The following ZBTB44 variants were observed in gnomAD, a reference collection of about 807,000 sequenced individuals.
ZBTB44 encodes the protein zinc finger and BTB domain-containing protein 44.
In ZBTB44, 15 loss-of-function variants were observed where a neutral mutation model predicts 54.0. That is an observed-to-expected ratio of 0.28 (90% confidence interval 0.19 to 0.43). The LOEUF (loss-of-function observed/expected upper bound fraction) is 0.43. ZBTB44 is among the 20% of genes least tolerant of loss of function. The pLI is 1.00. For synonymous variants in ZBTB44, 230 were observed against 250.1 expected (o/e 0.92, Z 0.76); for missense variants, 487 against 707.1 (o/e 0.69, Z 3.53).
rs116709665 is a variant in ZBTB44 at position 130,297,496 on chromosome 11, G to A, written c.-57+16879C>T. ...TGAATTGGGTTCTCTAAAAAGATAC[G>A]TTGAGGTCCTAAACCCCAGTGCCTC... On this transcript the variant is annotated intron_variant, in intron 1 of 7. Transcript: ENST00000357899. 3.8e-3 allele frequency among the ~76,000 whole-genome samples: 581 copies of A among 152,314 alleles called. 1 individual carries two copies. The highest frequency in any genetic ancestry group is 0.013 in the African/African-American group (543 of 41,562).
chr11:130,256,466 A>G (rs912291153), intron 2 of ZBTB44, among the ~76,000 whole-genome samples: 1 of 152,144 alleles, frequency 6.6e-6, no homozygotes, highest in Admixed American at 6.5e-5. Context: ...TCACGAGGTC[A>G]AGAGATCGAG....
At chr11:130,298,381 C>T (rs1941786298) in intron 1 of ZBTB44, among the ~76,000 whole-genome samples, 2 of 150,994 alleles carry the variant, frequency 1.3e-5, no homozygotes, top group South Asian at 4.2e-4. Context: ...TGGGGCTCAA[C>T]GAATCCACCC....
In ZBTB44 at chr11:130,227,649, T is replaced by C. The variant is rs559176555; in HGVS notation, c.*4115A>G. On this transcript the variant is annotated 3_prime_UTR_variant, in exon 8 of 8. Coordinates refer to ENST00000357899, the MANE Select transcript of ZBTB44 (RefSeq NM_001301098.2). ...GTGTACAGTTTCCGCCTAGGCTGGC[T>C]GCACTAGGAAGTACTCCAGTTTTTA... The C allele has an allele frequency of 6.6e-6, 1 of 152,332 alleles. No individual in the cohort carries two copies. Among genetic ancestry groups the C allele is most frequent in the South Asian group, 2.1e-4 (1 of 4,830 alleles). 9.4% of individuals were successfully genotyped at this position (152,332 alleles called of 1,614,324 possible). A position where few individuals can be genotyped will look rare whatever the true frequency, so the allele number is the denominator to read the frequency against.
intron 5 of ZBTB44, chr11:130,236,362 T>C: frequency 1.6e-6 from 1 of 637,924 alleles, no homozygotes; most frequent in Non-Finnish European, 2.2e-6. Context: ...CCAATGGCTA[T>C]TCCTTTATAT....
At chr11:130,313,914 GTGTGTGTGTATGTGTGTGTGTGTT>G (rs1942766649) in intron 1 of ZBTB44, among the ~76,000 whole-genome samples, 2 of 135,232 alleles carry the variant, frequency 1.5e-5, no homozygotes, top group Non-Finnish European at 3.2e-5. Context: ...AGAGGTGTGT[GTGTGTGTGTATGTGTGTGTGTGTT>G]TGTGTGTGTG....
Position 130,261,194 on chromosome 11 carries a change from G to A in ZBTB44, c.680C>T (p.Ala227Val). Residue 227 changes from alanine to valine, a missense_variant, in exon 2 of 8, where the codon GCT (alanine) becomes GTT (valine). Ala to Val is a moderately conservative substitution (Grantham distance 64, BLOSUM62 0). Transcript: ENST00000357899. This position sits in a 1 kb window ranked among gnomAD's most constrained non-coding sequence, Gnocchi z 4.8. Reference protein sequence around the residue: ...NRNQPVDSSLAFPWTFPFGID... With the variant: ...NRNQPVDSSLVFPWTFPFGID... The stretch of plus-strand genomic sequence containing the variant: ...TCCAAAAGGAAAAGTCCAAGGAAAA[G>A]CTAAGGAAGAGTCAACTGGTTGGTT... 3 of 1,614,016 alleles carry A rather than the reference G, an allele frequency of 1.9e-6. No individual in the cohort carries two copies. The Admixed American group carries it at 5.0e-5, about 27-fold the overall frequency.
At chr11:130,259,099 C>T (rs962118319) in intron 2 of ZBTB44, among the ~76,000 whole-genome samples, 1 of 152,176 alleles carries the variant, frequency 6.6e-6, no homozygotes, top group Non-Finnish European at 1.5e-5. Context: ...GGAAGACATT[C>T]CATGCTCATG....
rs1454081568 is a variant in ZBTB44, at chr11:130,230,981, A to C, written c.*783T>G. The C allele has an allele frequency of 1.3e-5, 2 of 152,122 alleles. No individual in the cohort carries two copies. The highest frequency in any genetic ancestry group is 4.8e-5 in the African/African-American group (2 of 41,448). The allele number at this position is 152,122 out of a possible 1,614,324, so 9.4% of individuals were successfully genotyped here. A position where few individuals can be genotyped will look rare whatever the true frequency, so the allele number is the denominator to read the frequency against. ...AAAGGCAATTTATTCTGCATTCTGA[A>C]ATTTAAGCCCTTTAGATACCACAAA... On this transcript the variant is annotated 3_prime_UTR_variant, in exon 8 of 8. Transcript: ENST00000357899.
chr11:130,301,412 G>A (rs569529804), intron 1 of ZBTB44, among the ~76,000 whole-genome samples: 1 of 152,302 alleles, frequency 6.6e-6, no homozygotes, highest in Admixed American at 6.5e-5. Flanking sequence ...CCACCACTTT[G>A]GGAGGCCAAG....
At chr11:130,285,006 T>A (rs1940844292) in intron 1 of ZBTB44, 1 of 155,754 alleles carries the variant, frequency 6.4e-6, no homozygotes, top group South Asian at 2.1e-4. Flanking sequence ...CAAAACGATC[T>A]GACCATAATG....
At chr11:130,303,981 A>G (rs1942132247) in intron 1 of ZBTB44, among the ~76,000 whole-genome samples, 1 of 152,228 alleles carries the variant, frequency 6.6e-6, no homozygotes, top group Non-Finnish European at 1.5e-5. Flanking sequence ...TGTGCCAGCC[A>G]ATATCAACAT....
At chr11:130,313,786 C>T (rs755362484) in intron 1 of ZBTB44, among the ~76,000 whole-genome samples, 2 of 151,986 alleles carry the variant, frequency 1.3e-5, no homozygotes, top group Non-Finnish European at 2.9e-5. Context: ...CTCACATGGA[C>T]GCAATTTCCT....
At chr11:130,236,382 TTAAA>T (rs1454625568) in intron 5 of ZBTB44, among the ~76,000 whole-genome samples, 1 of 152,232 alleles carries the variant, frequency 6.6e-6, no homozygotes, top group African/African-American at 2.4e-5. Flanking sequence ...TAGAATATTT[TTAAA>T]TAGAGAGAAG....
chr11:130,270,806 A>G (rs1177072793), intron 1 of ZBTB44, among the ~76,000 whole-genome samples: 3 of 152,202 alleles, frequency 2.0e-5, no homozygotes, highest in Non-Finnish European at 4.4e-5. Context: ...GGGGTTGATG[A>G]TGGGGAAAGA....
chr11:130,285,982 T>C (rs1173630108), intron 1 of ZBTB44: 1 of 152,302 alleles, frequency 6.6e-6, no homozygotes, highest in African/African-American at 2.4e-5. Context: ...ACTGTTCTTG[T>C]TGGAATAAAA....
At chr11:130,291,871 T>C (rs1284671586) in intron 1 of ZBTB44, among the ~76,000 whole-genome samples, 2 of 152,240 alleles carry the variant, frequency 1.3e-5, no homozygotes, top group Non-Finnish European at 2.9e-5. Flanking sequence ...ATAACATATA[T>C]ATCACCACCA....
intron 2 of ZBTB44, among the ~76,000 whole-genome samples, chr11:130,259,071 A>G (rs887741265): frequency 6.6e-6 from 1 of 152,238 alleles, no homozygotes; most frequent in African/African-American, 2.4e-5. Flanking sequence ...AGAAAATAAG[A>G]GAGGACACAA....
In ZBTB44 at chr11:130,229,495, C is replaced by CTT. The variant is rs1297494285; in HGVS notation, c.*2267_*2268dup. On this transcript the variant is annotated 3_prime_UTR_variant, in exon 8 of 8. Coordinates refer to ENST00000357899, the MANE Select transcript of ZBTB44 (RefSeq NM_001301098.2). The stretch of plus-strand genomic sequence containing the variant: ...TTTGGCTAATTCATCTTGCTGAGGA[C>CTT]TTTCCAAATAAAAATACTCTGTCAC... 6.6e-6 allele frequency: 1 copy of CTT among 152,052 alleles called. No individual in the cohort carries two copies. The highest frequency in any genetic ancestry group is 1.5e-5 in the Non-Finnish European group (1 of 67,982). The allele number at this position is 152,052 out of a possible 1,614,324, so 9.4% of individuals were successfully genotyped here. A position where few individuals can be genotyped will look rare whatever the true frequency, so the allele number is the denominator to read the frequency against.
intron 1 of ZBTB44, among the ~76,000 whole-genome samples, chr11:130,287,346 A>G (rs1464097895): frequency 6.6e-6 from 1 of 152,204 alleles, no homozygotes; most frequent in Non-Finnish European, 1.5e-5. Context: ...TCAGAGCAAG[A>G]GTGTTAACTA....
Sources: allele counts gnomAD v4.1 joint callset (sites outside exome capture counted in the v4.1 genomes callset), GRCh38; gene constraint gnomAD v4.1.1; non-coding constraint Gnocchi (gnomAD v3.1); transcripts MANE v1.5; gene names NCBI Gene and HGNC (gene_info 2026-07-23, HGNC 2026-07-21).